The following HK1 variants were observed in gnomAD, a reference collection of about 807,000 sequenced individuals.
The protein encoded by HK1 is hexokinase 1, also known as hexokinase-1.
In HK1, 28 loss-of-function variants were observed where a neutral mutation model predicts 91.6. The ratio of observed to expected loss-of-function variants is 0.31; its 90% CI spans 0.23 to 0.42. HK1 has a LOEUF of 0.42. Ranked by LOEUF, HK1 falls within the 10% of genes least tolerant of loss-of-function variation. The pLI is 1.00. For missense variants in HK1, 770 were observed against 1,219.8 expected (o/e 0.63, Z 5.49); for synonymous variants, 430 against 468.1 (o/e 0.92, Z 1.05).
intron 1 of HK1, among the ~76,000 whole-genome samples, chr10:69,276,138 T>TATATATATATATATATATATACACAC (rs753204633): frequency 1.3e-5 from 1 of 76,436 alleles, no homozygotes; most frequent in African/African-American, 4.1e-5. Flanking sequence ...TATATATATA[T>TATATATATATATATATATATACACAC]ACACATATAT....
At chr10:69,337,025 A>G (rs950530750) in intron 1 of HK1, among the ~76,000 whole-genome samples, 1 of 152,182 alleles carries the variant, frequency 6.6e-6, no homozygotes, top group African/African-American at 2.4e-5. Flanking sequence ...AGGGAGGGAA[A>G]TGACACTTGA....
chr10:69,298,094 C>G (rs1234044860), intron 4 of HK1, among the ~76,000 whole-genome samples: 1 of 150,842 alleles, frequency 6.6e-6, no homozygotes, highest in Non-Finnish European at 1.5e-5. Flanking sequence ...ACCTGTAATC[C>G]CAGCTACTCG....
At chr10:69,276,517 G>T (rs1263789452) in intron 1 of HK1, among the ~76,000 whole-genome samples, 1 of 151,584 alleles carries the variant, frequency 6.6e-6, no homozygotes, top group Non-Finnish European at 1.5e-5. Flanking sequence ...AAATTAGCCG[G>T]GTGTGGTAGT....
chr10:69,293,391 A>G (rs575917033), intron 3 of HK1, among the ~76,000 whole-genome samples: 4 of 152,344 alleles, frequency 2.6e-5, no homozygotes, highest in African/African-American at 7.2e-5. Flanking sequence ...TAAACAGGCC[A>G]GCTTGCACAT....
rs759240015 is a variant in HK1 at position 69,364,908 on chromosome 10, G to A, written c.495+6G>A. On this transcript the variant is annotated splice_donor_region_variant and intron_variant, in intron 4 of 17. Coordinates refer to ENST00000359426, the MANE Select transcript of HK1 (RefSeq NM_000188.3). Reference sequence around the variant, plus strand: ...AACAATCCAAAATAGATGAGGTAAGGATGTTCTGGGATTATCGGGCTCTGC... The same window carrying A: ...AACAATCCAAAATAGATGAGGTAAGAATGTTCTGGGATTATCGGGCTCTGC... The A allele has an allele frequency of 6.2e-7, 1 of 1,614,118 alleles. No homozygotes were observed. The highest frequency in any genetic ancestry group is 8.5e-7 in the Non-Finnish European group (1 of 1,180,014).
upstream of HK1, among the ~76,000 whole-genome samples, chr10:69,312,990 G>C (rs371692509): frequency 5.2e-4 from 79 of 152,292 alleles, 1 homozygote; most frequent in South Asian, 0.016. Flanking sequence ...GGGCCTCTCT[G>C]AGTGGAGATG....
At chr10:69,312,612 T>G (rs908770853), upstream of HK1, among the ~76,000 whole-genome samples, 1 of 152,202 alleles carries the variant, frequency 6.6e-6, no homozygotes, top group Non-Finnish European at 1.5e-5. Flanking sequence ...TCTGCATGAT[T>G]TCTCAGGAGA....
At chr10:69,288,721 G>A in exon 3 of HK1, 1 of 1,612,990 alleles carries the variant, frequency 6.2e-7, no homozygotes, top group Non-Finnish European at 8.5e-7. Context: ...AAGGACCCGA[G>A]GTCAGCAAGT....
chr10:69,351,512 A>C lies in HK1; in HGVS notation c.226+7523A>C, dbSNP rs553535153. On this transcript the variant is annotated intron_variant, in intron 2 of 17. Coordinates refer to ENST00000359426, the MANE Select transcript of HK1 (RefSeq NM_000188.3). ...CAACAAGAGTGAGACTCCGTCTCAA[A>C]AACAAAAACAAAAACAAAAAAAACA... Among the ~76,000 whole-genome samples, 135 of 147,986 alleles carry C rather than the reference A, an allele frequency of 9.1e-4. 1 individual carries two copies. The highest frequency in any genetic ancestry group is 3.3e-3 in the African/African-American group (131 of 40,198).
intron 4 of HK1, among the ~76,000 whole-genome samples, chr10:69,368,167 G>A (rs900862744): frequency 6.6e-6 from 1 of 152,240 alleles, no homozygotes; most frequent in Non-Finnish European, 1.5e-5. Context: ...TGGTTGGGAA[G>A]TGGGGAAGGG....
At chr10:69,368,444 C>T in intron 4 of HK1, 92 bp from the exon 5 acceptor site, 1 of 1,140,750 alleles carries the variant, frequency 8.8e-7, no homozygotes, top group South Asian at 1.2e-5. Flanking sequence ...CTATGGGCTT[C>T]TGCTTCATCC....
chr10:69,305,376 G>A (rs1051716879), intron 5 of HK1, among the ~76,000 whole-genome samples: 2 of 152,146 alleles, frequency 1.3e-5, no homozygotes, highest in Non-Finnish European at 2.9e-5. Flanking sequence ...GCATTGATTA[G>A]TTTATTAGGA....
At chr10:69,384,185 CTG>C in intron 10 of HK1, 146 bp from the exon 11 acceptor site, 2 of 926,868 alleles carry the variant, frequency 2.2e-6, no homozygotes, top group South Asian at 2.7e-5. Flanking sequence ...TCCTCTGAGT[CTG>C]TGCTGTGTCC....
At position 69,380,417 on chromosome 10, in the gene HK1, G is replaced by C. The variant is rs190158341; in HGVS notation, c.1265+322G>C. Among the ~76,000 whole-genome samples the C allele has an allele frequency of 3.3e-5, 5 of 152,304 alleles. No homozygotes were observed. In the East Asian group the frequency reaches 9.6e-4, roughly 29 times the overall value. On this transcript the variant is annotated intron_variant, in intron 9 of 17. Transcript: ENST00000359426. This position sits in a 1 kb window ranked among gnomAD's most constrained non-coding sequence, Gnocchi z 4.0. The stretch of plus-strand genomic sequence containing the variant: ...GTATCGCCCTTAGTCGATTCTTGCT[G>C]GTATTGCTTCTGCACTCTGTCGTTA...
At chr10:69,339,299 C>G (rs577240548) in intron 1 of HK1, among the ~76,000 whole-genome samples, 65 of 152,320 alleles carry the variant, frequency 4.3e-4, no homozygotes, top group Middle Eastern at 3.4e-3. Context: ...GCAGCCCAGC[C>G]CCAGGCCTAG....
intron 1 of HK1, among the ~76,000 whole-genome samples, chr10:69,324,119 G>T (rs549182339): frequency 3.3e-5 from 5 of 152,114 alleles, no homozygotes; most frequent in Admixed American, 2.0e-4. Flanking sequence ...CAGTCCTCCC[G>T]CCTTGGCCTC....
chr10:69,327,226 A>G (rs1321028588), intron 1 of HK1, among the ~76,000 whole-genome samples: 2 of 151,944 alleles, frequency 1.3e-5, no homozygotes, highest in Non-Finnish European at 2.9e-5. Flanking sequence ...CCTGACCTCA[A>G]GTGATCCACC....
upstream of HK1, among the ~76,000 whole-genome samples, chr10:69,312,905 G>T (rs981977671): frequency 6.6e-6 from 1 of 152,156 alleles, no homozygotes; most frequent in Non-Finnish European, 1.5e-5. Context: ...TTACACAAGG[G>T]AGCCGTATTT....
intron 7 of HK1, among the ~76,000 whole-genome samples, chr10:69,373,138 G>C (rs1158178821): frequency 6.6e-6 from 1 of 152,146 alleles, no homozygotes; most frequent in Non-Finnish European, 1.5e-5. Context: ...CAAAGTTCTG[G>C]GATTACAGAC....
Sources: gnomAD v4.1 joint callset for allele counts (sites outside exome capture counted in the v4.1 genomes callset) on GRCh38, gnomAD v4.1.1 for gene constraint, Gnocchi (gnomAD v3.1) non-coding constraint, MANE v1.5 for transcripts, NCBI Gene and HGNC (gene_info 2026-07-23, HGNC 2026-07-21) for gene names.